CDKL3: variants seen among roughly 807,000 people sequenced by gnomAD.
The protein encoded by CDKL3 is cyclin-dependent kinase-like 3.
CDKL3 carries 65 observed loss-of-function variants against 69.3 expected under a neutral mutation model. The ratio of observed to expected loss-of-function variants is 0.94; its 90% CI spans 0.77 to 1.15. CDKL3 has a LOEUF of 1.15. Among genes scored for constraint, CDKL3 ranks in the 50% most tolerant of loss-of-function variants. CDKL3 has a pLI of 0.00. For synonymous variants in CDKL3, 202 were observed against 221.6 expected (o/e 0.91, Z 0.79); for missense variants, 652 against 689.2 (o/e 0.95, Z 0.61).
chr5:134,298,424 T>A lies in CDKL3; in HGVS notation c.*227A>T. On this transcript the variant is annotated 3_prime_UTR_variant, in exon 13 of 13. Transcript: ENST00000265334. The stretch of plus-strand genomic sequence containing the variant: ...CAGTAATCATGGCAAAAAAAAGAAG[T>A]AGGCAGAGAAGAGATGACTTTATAA... The A allele has an allele frequency of 3.8e-6, 5 of 1,309,652 alleles. No homozygotes were observed. Among genetic ancestry groups the A allele is most frequent in the Non-Finnish European group, 3.9e-6 (4 of 1,032,834 alleles). The allele number at this position is 1,309,652 out of a possible 1,614,324, so 81.1% of individuals were successfully genotyped here.
rs193089199 is a variant in CDKL3, at chr5:134,320,406, C to T, written c.653-909G>A. On this transcript the variant is annotated intron_variant, in intron 5 of 12. Transcript: ENST00000265334. The stretch of plus-strand genomic sequence containing the variant: ...CGAGTCGGGCAACATGGCAAAACCG[C>T]GGCTGCACTAAAAACGCAAAAATTA... Among the ~76,000 whole-genome samples the T allele has an allele frequency of 2.0e-3, 306 of 151,812 alleles. 1 individual carries two copies. The highest frequency in any genetic ancestry group is 1.8e-3 in the Non-Finnish European group (119 of 67,914).
chr5:134,355,593 A>C (rs1490373774), intron 3 of CDKL3, among the ~76,000 whole-genome samples: 2 of 152,214 alleles, frequency 1.3e-5, no homozygotes, highest in Non-Finnish European at 2.9e-5. Flanking sequence ...TTTGATTATA[A>C]ATTTCTTTTA....
chr5:134,319,521 T>C, intron 5 of CDKL3, 24 bp from the exon 6 acceptor site: 2 of 1,502,192 alleles, frequency 1.3e-6, no homozygotes, highest in South Asian at 2.6e-5. Flanking sequence ...AAAATGTATA[T>C]TTAAAAAACA....
chr5:134,351,889 C>A (rs1581181957), intron 3 of CDKL3, among the ~76,000 whole-genome samples: 1 of 152,224 alleles, frequency 6.6e-6, no homozygotes, highest in East Asian at 1.9e-4. Flanking sequence ...ACATCACATA[C>A]TTATTTTGTG....
intron 3 of CDKL3, among the ~76,000 whole-genome samples, chr5:134,354,229 T>A (rs757073949): frequency 6.6e-6 from 1 of 152,220 alleles, no homozygotes; most frequent in Non-Finnish European, 1.5e-5. Flanking sequence ...GTGAGGGCAA[T>A]ATACACAACT....
chr5:134,294,366 T>C (rs1765254535), downstream of CDKL3, among the ~76,000 whole-genome samples: 1 of 152,050 alleles, frequency 6.6e-6, no homozygotes, highest in Non-Finnish European at 1.5e-5. Flanking sequence ...CTCAATCTAA[T>C]AAAGGTAATC....
chr5:134,316,977 T>C (rs1771257740), intron 6 of CDKL3, among the ~76,000 whole-genome samples: 1 of 152,138 alleles, frequency 6.6e-6, no homozygotes, highest in Non-Finnish European at 1.5e-5. Flanking sequence ...TTACTGTGTA[T>C]TTTATATTTT....
downstream of CDKL3, among the ~76,000 whole-genome samples, chr5:134,297,111 C>T (rs1765401133): frequency 6.6e-6 from 1 of 151,938 alleles, no homozygotes; most frequent in African/African-American, 2.4e-5. Flanking sequence ...ACCACCACAC[C>T]TGGCTAATTT....
intron 4 of CDKL3, among the ~76,000 whole-genome samples, chr5:134,335,859 C>T (rs1159226759): frequency 6.6e-6 from 1 of 152,024 alleles, no homozygotes; most frequent in Admixed American, 6.6e-5. Context: ...CAAATTTGAA[C>T]GTTGGCCTGC....
intron 2 of CDKL3, among the ~76,000 whole-genome samples, chr5:134,363,141 GA>G (rs1209540126): frequency 5.9e-5 from 9 of 152,030 alleles, no homozygotes; most frequent in South Asian, 2.1e-4. Context: ...TGCCTTGGGG[GA>G]AAAAAATCTC....
At chr5:134,307,469 C>T (rs942391029) in intron 9 of CDKL3, among the ~76,000 whole-genome samples, 1 of 152,196 alleles carries the variant, frequency 6.6e-6, no homozygotes, top group Non-Finnish European at 1.5e-5. Context: ...CTGCAGACCA[C>T]TGGGCTTCAC....
chr5:134,371,494 G>A (rs1758401628), upstream of CDKL3: 16 of 1,463,168 alleles, frequency 1.1e-5, no homozygotes, highest in South Asian at 1.8e-4. Context: ...GGCGGCGGCG[G>A]CGGCGGCGGC....
At chr5:134,286,056 A>C (rs1764845705), downstream of CDKL3, among the ~76,000 whole-genome samples, 1 of 152,016 alleles carries the variant, frequency 6.6e-6, no homozygotes, top group African/African-American at 2.4e-5. Context: ...CAGTAGGCAC[A>C]GGTTGCAGTG....
chr5:134,319,619 T>C (rs1377397702), intron 5 of CDKL3, 122 bp from the exon 6 acceptor site: 4 of 918,796 alleles, frequency 4.4e-6, no homozygotes, highest in Admixed American at 3.7e-5. Flanking sequence ...ATGTGAATTA[T>C]GTATTTTAAT....
At chr5:134,342,473 G>A (rs534670304) in intron 4 of CDKL3, among the ~76,000 whole-genome samples, 9 of 152,076 alleles carry the variant, frequency 5.9e-5, no homozygotes, top group South Asian at 4.2e-4. Flanking sequence ...AGTGGCGGAC[G>A]CTTGTAGTCC....
intron 4 of CDKL3, among the ~76,000 whole-genome samples, chr5:134,335,300 T>C (rs990893052): frequency 5.3e-5 from 8 of 152,206 alleles, no homozygotes; most frequent in African/African-American, 1.7e-4. Context: ...TGTCTTTTAA[T>C]TGGGGCATTT....
At chr5:134,295,627 A>C (rs1765314365), downstream of CDKL3, among the ~76,000 whole-genome samples, 1 of 152,200 alleles carries the variant, frequency 6.6e-6, no homozygotes, top group Admixed American at 6.5e-5. Context: ...ATCAATTCTA[A>C]TCAAGCTTTT....
rs774135645 is a variant in CDKL3 at position 134,359,926 on chromosome 5, G to C, written c.331C>G (p.Arg111Gly). Residue 111 changes from arginine (R) to glycine (G), a missense_variant, in exon 3 of 13, where the codon CGA (arginine) becomes GGA (glycine). By Grantham distance (125) the Arg-to-Gly change is moderately radical. Transcript: ENST00000265334. ...RLRKYLFQIL[R>G]AIDYLHSNNI... is the part of the protein sequence containing the mutation. ...TTACTGTGAAGATAGTCAATTGCTC[G>C]AAGGATCTGGAAGAGGTATTTTCTA... 6.3e-7 allele frequency: 1 copy of C among 1,585,558 alleles called. No homozygotes were observed. Among genetic ancestry groups the C allele is most frequent in the Non-Finnish European group, 8.6e-7 (1 of 1,165,410 alleles).
chr5:134,297,490 C>T (rs1425926051), downstream of CDKL3, among the ~76,000 whole-genome samples: 2 of 151,992 alleles, frequency 1.3e-5, no homozygotes. Context: ...ACCAGAGATG[C>T]TGCTAAATTA....
Sources: gnomAD v4.1 joint callset for allele counts (sites outside exome capture counted in the v4.1 genomes callset) on GRCh38, gnomAD v4.1.1 for gene constraint, MANE v1.5 for transcripts, NCBI Gene and HGNC (gene_info 2026-07-23, HGNC 2026-07-21) for gene names.